Variants in DNAH14 observed in about 807,000 individuals in gnomAD.
The protein encoded by DNAH14 is axonemal beta dynein heavy chain 14.
In DNAH14, 478 loss-of-function variants were observed where a neutral mutation model predicts 520.9. That is an observed-to-expected ratio of 0.92 (90% CI 0.85 to 0.99). DNAH14 has a LOEUF of 0.99. Ranked by LOEUF, DNAH14 falls within the 50% of genes least tolerant of loss-of-function variation. The pLI, the probability that DNAH14 is intolerant of heterozygous loss-of-function variation, is 0.00. For missense variants in DNAH14, 4,831 were observed against 5,234.5 expected (o/e 0.92, Z 2.38); for synonymous variants, 1,581 against 1,757.2 (o/e 0.90, Z 2.51).
intron 35 of DNAH14, among the ~76,000 whole-genome samples, chr1:225,161,087 T>G (rs574691307): frequency 6.6e-6 from 1 of 151,508 alleles, no homozygotes; most frequent in South Asian, 2.1e-4. Flanking sequence ...TTCGTATTCA[T>G]CCTGTTGTGA....
chr1:225,086,717 A>G (rs2073849065), intron 21 of DNAH14, among the ~76,000 whole-genome samples: 1 of 151,978 alleles, frequency 6.6e-6, no homozygotes, highest in Non-Finnish European at 1.5e-5. Flanking sequence ...ATGCAGTACA[A>G]AAAAAATGAA....
In DNAH14 at chr1:225,050,297, G is replaced by A; in HGVS notation, c.2000G>A (p.Ser667Asn). Residue 667 changes from serine to asparagine, a missense_variant, in exon 16 of 86, where the codon AGC becomes AAC. Transcript: ENST00000682510. ...ATGGATTTACCTAATAAGACAGGAA[G>A]CATAATACATTATAAAGAGCAGACC... ...SIMDLPNKTG[S>N]IIHYKEQTRW... The A allele has an allele frequency of 6.5e-7, 1 of 1,549,898 alleles. No individual in the cohort carries two copies. The highest frequency in any genetic ancestry group is 8.7e-7 in the Non-Finnish European group (1 of 1,146,358).
intron 52 of DNAH14, among the ~76,000 whole-genome samples, chr1:225,274,203 T>A (rs1574449561): frequency 8.5e-6 from 1 of 117,802 alleles, no homozygotes; most frequent in Admixed American, 7.9e-5. Flanking sequence ...TGTTATTTTT[T>A]TTTTTTTTTT....
rs972460658 is a variant in DNAH14 at position 225,232,815 on chromosome 1, A to G, written c.6518+1664A>G. 6.6e-6 allele frequency among the ~76,000 whole-genome samples: 1 copy of G among 152,158 alleles called. No homozygotes were observed. Among genetic ancestry groups the G allele is most frequent in the Non-Finnish European group, 1.5e-5 (1 of 68,028 alleles). Reference sequence around the variant, plus strand: ...CATGCAGTGCTTGATTCTTATTTTAAGTTCAGGGGTACATGCACAGGATGT... The same window carrying G: ...CATGCAGTGCTTGATTCTTATTTTAGGTTCAGGGGTACATGCACAGGATGT... On this transcript the variant is annotated intron_variant, in intron 42 of 85. Transcript: ENST00000682510. This position sits in a 1 kb window ranked among gnomAD's most constrained non-coding sequence, Gnocchi z 4.2.
intron 1 of DNAH14, among the ~76,000 whole-genome samples, chr1:224,943,860 T>C (rs1409393189): frequency 3.3e-5 from 5 of 151,998 alleles, no homozygotes; most frequent in Non-Finnish European, 5.9e-5. Flanking sequence ...GTCTGAGAGG[T>C]GGTTTGTTAT....
rs1007510777 is a variant in DNAH14 at position 225,023,768 on chromosome 1, C to T, written c.1261C>T (p.Gln421Ter). The T allele has an allele frequency of 5.2e-6, 8 of 1,550,702 alleles. No homozygotes were observed. The highest frequency in any genetic ancestry group is 7.0e-6 in the Non-Finnish European group (8 of 1,146,496). The change falls in exon 11 of 86, where the codon CAA becomes TAA. Residue 421 changes from glutamine (Q) to a stop codon, truncating the protein, a stop_gained. Coordinates refer to ENST00000682510, the MANE Select transcript of DNAH14 (RefSeq NM_001367479.1). LOFTEE classifies it high-confidence loss of function. Reference sequence around the variant, plus strand: ...CTACATATTTCAGGAACTCATTCGTCAACTTATGAACACTGCAGTCACACT... The same window carrying T: ...CTACATATTTCAGGAACTCATTCGTTAACTTATGAACACTGCAGTCACACT... ...VDYIFQELIR[Q>*]LMNTAVTLLL...
intron 27 of DNAH14, among the ~76,000 whole-genome samples, chr1:225,134,922 G>A (rs1456213932): frequency 6.6e-6 from 1 of 152,014 alleles, no homozygotes; most frequent in African/African-American, 2.4e-5. Flanking sequence ...GTCTATTCAG[G>A]GATTTGATTT....
Position 225,043,968 on chromosome 1 carries a change from A to G in DNAH14, c.1897A>G (p.Met633Val), listed in dbSNP as rs935950150. The G allele has an allele frequency of 4.4e-5, 65 of 1,487,822 alleles. No homozygotes were observed. The highest frequency in any genetic ancestry group is 5.7e-5 in the Non-Finnish European group (63 of 1,096,816). The allele number at this position is 1,487,822 out of a possible 1,614,324, so 92.2% of individuals were successfully genotyped here. Residue 633 changes from methionine (M) to valine (V), a missense_variant, in exon 15 of 86, where the codon ATG (methionine) becomes GTG (valine). Physicochemically the swap from Met to Val is conservative, Grantham distance 21. Transcript: ENST00000682510. The part of the protein sequence containing the change: ...SVKIQNMLTN[M>V]EKCITTITPL... ...AAAAATTCAAAATATGTTGACTAAT[A>G]TGGAAAAATGTATAAGTAAGTGTTT...
At chr1:225,218,247 A>G (rs11586783) in intron 41 of DNAH14, among the ~76,000 whole-genome samples, 19,438 of 152,184 alleles carry the variant, frequency 0.13, 1,404 homozygotes, top group East Asian at 0.31. Flanking sequence ...AAACTAATCA[A>G]CTAGTGGGTA....
intron 69 of DNAH14, among the ~76,000 whole-genome samples, chr1:225,343,395 C>CTTAA (rs1407804174): frequency 6.6e-6 from 1 of 152,148 alleles, no homozygotes; most frequent in African/African-American, 2.4e-5. Flanking sequence ...CAAACAAAAA[C>CTTAA]TTAAGTAGGG....
chr1:224,967,990 A>G (rs777840558), intron 6 of DNAH14: 3 of 1,008,572 alleles, frequency 3.0e-6, no homozygotes, highest in Middle Eastern at 4.4e-4. Context: ...TAGCATTTTG[A>G]TATTTATCAC....
In DNAH14 at chr1:225,340,538, A is replaced by G. The variant is rs1416979870; in HGVS notation, c.10515A>G (p.Val3505=). 1 of 1,551,342 alleles carries G rather than the reference A, an allele frequency of 6.4e-7. No homozygotes were observed. Among genetic ancestry groups the G allele is most frequent in the African/African-American group, 1.4e-5 (1 of 73,050 alleles). ...TTGTTACTATGATCAACTTCACTGT[A>G]ACATTCCAAGGTTTGCAAGATCAAC... ...YNFVTMINFT[V]TFQGLQDQLL... The change falls in exon 69 of 86, where the codon GTA becomes GTG. Residue 3505 remains valine (V), a synonymous_variant. Coordinates refer to ENST00000682510, the MANE Select transcript of DNAH14 (RefSeq NM_001367479.1).
At chr1:225,309,276 C>A (rs1035465595) in intron 60 of DNAH14, among the ~76,000 whole-genome samples, 1 of 152,152 alleles carries the variant, frequency 6.6e-6, no homozygotes, top group Admixed American at 6.6e-5. Context: ...CTGCCTTTTG[C>A]TTGTTATTCA....
chr1:225,254,715 C>T (rs978214680), intron 44 of DNAH14, among the ~76,000 whole-genome samples: 1 of 152,134 alleles, frequency 6.6e-6, no homozygotes, highest in Non-Finnish European at 1.5e-5. Context: ...ATTGGGCTCT[C>T]ATAGTTTCAA....
At position 225,277,455 on chromosome 1, in the gene DNAH14, A is replaced by G. The variant is rs529989640; in HGVS notation, c.8224A>G (p.Ile2742Val). The change falls in exon 54 of 86, where the codon ATA becomes GTA. Residue 2742 changes from isoleucine to valine, a missense_variant. Transcript: ENST00000682510. ...CTTCAAGGAAGCCATAGAACACATC[A>G]TAAGAGCAACAAGGGTTCTTCGACA... ...VFFKEAIEHIIRATRVLRQPG... is the reference protein window; with the variant it reads ...VFFKEAIEHIVRATRVLRQPG... 100 of 471,046 alleles carry G rather than the reference A, an allele frequency of 2.1e-4. 1 individual carries two copies. The highest frequency in any genetic ancestry group is 3.9e-4 in the Non-Finnish European group (88 of 226,992). 29.2% of individuals were successfully genotyped at this position (471,046 alleles called of 1,614,324 possible). A position where few individuals can be genotyped will look rare whatever the true frequency, so the allele number is the denominator to read the frequency against.
At chr1:225,050,777 T>A (rs911348052) in intron 16 of DNAH14, among the ~76,000 whole-genome samples, 1 of 152,190 alleles carries the variant, frequency 6.6e-6, no homozygotes, top group Non-Finnish European at 1.5e-5. Flanking sequence ...TCACATACTA[T>A]ATACCAGTGG....
At chr1:225,114,577 C>A (rs2076724569) in intron 23 of DNAH14, among the ~76,000 whole-genome samples, 1 of 152,164 alleles carries the variant, frequency 6.6e-6, no homozygotes, top group African/African-American at 2.4e-5. Flanking sequence ...GACTTGCAGT[C>A]TTTATGGCCT....
intron 41 of DNAH14, among the ~76,000 whole-genome samples, 192 bp from the exon 42 acceptor site, chr1:225,230,881 A>G (rs2091041578): frequency 1.3e-5 from 2 of 152,164 alleles, no homozygotes; most frequent in Admixed American, 6.5e-5. Context: ...AGTTCTGACA[A>G]TGTAAGAACA....
At chr1:225,005,168 G>A (rs939145919) in intron 9 of DNAH14, among the ~76,000 whole-genome samples, 4 of 152,242 alleles carry the variant, frequency 2.6e-5, no homozygotes, top group Admixed American at 2.6e-4. Context: ...ATCATCTAGA[G>A]TTGAGACTTT....
Sources: allele counts gnomAD v4.1 joint callset (sites outside exome capture counted in the v4.1 genomes callset), GRCh38; gene constraint gnomAD v4.1.1; non-coding constraint Gnocchi (gnomAD v3.1); transcripts MANE v1.5; gene names NCBI Gene and HGNC (gene_info 2026-07-23, HGNC 2026-07-21).